CD4: variants seen among roughly 807,000 people sequenced by gnomAD.
CD4 encodes the protein CD4 molecule, also known as T-cell surface glycoprotein CD4.
A neutral mutation model predicts 50.5 loss-of-function variants in CD4; 25 were observed. That is an observed-to-expected ratio of 0.49 (90% CI 0.36 to 0.69). The LOEUF (loss-of-function observed/expected upper bound fraction) is 0.69, where lower values mean the gene tolerates loss of function less well. Among genes scored for constraint, CD4 ranks in the 30% least tolerant of loss-of-function variants. CD4 has a pLI of 0.00. For synonymous variants in CD4, 207 were observed against 221.9 expected, an observed-to-expected ratio of 0.93 and a Z score of 0.60; for missense variants, 456 against 548.5, an observed-to-expected ratio of 0.83 and a Z score of 1.68.
chr12:6,818,528 T>C lies in CD4; in HGVS notation c.1264T>C (p.Cys422Arg), dbSNP rs782424835. The change falls in exon 8 of 10, where the codon TGC becomes CGC. Residue 422 changes from cysteine (C) to arginine (R), a missense_variant. By Grantham distance (180) the Cys-to-Arg change is radical. Coordinates refer to ENST00000011653, the MANE Select transcript of CD4 (RefSeq NM_000616.5). This position sits in a 1 kb window ranked among gnomAD's most constrained non-coding sequence, Gnocchi z 5.0. ...IGLGIFFCVR[C>R]RHRRRQAERM... ...GCTAGGCATCTTCTTCTGTGTCAGG[T>C]GCCGGCACCGAAGGGTGAGTAACCC... 9 of 1,612,754 alleles carry C rather than the reference T, an allele frequency of 5.6e-6. No homozygotes were observed. Among genetic ancestry groups the C allele is most frequent in the Middle Eastern group, 1.6e-4 (1 of 6,084 alleles).
rs782144509 is a variant in CD4 at position 6,818,476 on chromosome 12, C to T, written c.1212C>T (p.Gly404=). Residue 404 remains glycine (G), a synonymous_variant, in exon 8 of 10, where the codon GGC becomes GGT. Coordinates refer to ENST00000011653, the MANE Select transcript of CD4 (RefSeq NM_000616.5). This position sits in a 1 kb window ranked among gnomAD's most constrained non-coding sequence, Gnocchi z 5.0. ...VQPMALIVLG[G]VAGLLLFIGL... Reference sequence around the variant, plus strand: ...CAATGGCCCTGATTGTGCTGGGGGGCGTCGCCGGCCTCCTGCTTTTCATTG... The same window carrying T: ...CAATGGCCCTGATTGTGCTGGGGGGTGTCGCCGGCCTCCTGCTTTTCATTG... 1.4e-5 allele frequency: 23 copies of T among 1,612,750 alleles called. No homozygotes were observed. The highest frequency in any genetic ancestry group is 5.5e-5 in the South Asian group (5 of 91,086).
At chr12:6,804,654 C>T (rs1228322757) in intron 3 of CD4, among the ~76,000 whole-genome samples, 2 of 152,156 alleles carry the variant, frequency 1.3e-5, no homozygotes, top group African/African-American at 4.8e-5. Context: ...GGGAAGATTG[C>T]TTAAGCCCAG....
intron 3 of CD4, among the ~76,000 whole-genome samples, chr12:6,809,316 C>T (rs536492542): frequency 2.6e-5 from 4 of 151,984 alleles, no homozygotes; most frequent in Non-Finnish European, 4.4e-5. Flanking sequence ...GGCAACAGGG[C>T]GAAACCTCGT....
intron 9 of CD4, 106 bp downstream of exon 9, chr12:6,819,020 AGAG>A: frequency 4.1e-6 from 3 of 724,288 alleles, no homozygotes; most frequent in Non-Finnish European, 6.9e-6. Flanking sequence ...GGGAGGATGG[AGAG>A]GAGGAAGGAG....
intron 1 of CD4, chr12:6,799,249 C>T (rs142770874): frequency 2.6e-4 from 40 of 152,326 alleles, no homozygotes; most frequent in African/African-American, 9.4e-4. Flanking sequence ...TCAAGGATGA[C>T]CTGCGAATGG....
intron 1 of CD4, among the ~76,000 whole-genome samples, chr12:6,790,679 C>T (rs984372158): frequency 6.6e-6 from 1 of 152,324 alleles, no homozygotes; most frequent in African/African-American, 2.4e-5. Context: ...GCCTTTCCGC[C>T]CTCAGACCTT....
chr12:6,811,495 T>C (rs797025124), intron 3 of CD4, among the ~76,000 whole-genome samples: 146 of 138,964 alleles, frequency 1.1e-3, no homozygotes, highest in Non-Finnish European at 1.8e-3. Flanking sequence ...CTTTTTCTTT[T>C]TTTTTTTTTT....
intron 3 of CD4, among the ~76,000 whole-genome samples, chr12:6,811,874 A>G (rs760327304): frequency 6.5e-4 from 99 of 151,902 alleles, no homozygotes; most frequent in Admixed American, 1.6e-3. Flanking sequence ...CAGTGTTACA[A>G]TCATAGCTCA....
At chr12:6,817,505 A>G (rs3213426) in intron 7 of CD4, among the ~76,000 whole-genome samples, 175 bp downstream of exon 7, 11,382 of 151,970 alleles carry the variant, frequency 0.075, 664 homozygotes, top group South Asian at 0.16. Flanking sequence ...AGAAGTGATG[A>G]AGTGAGGTGG....
rs782712080 is a variant in CD4, at chr12:6,816,095, G to C, written c.647G>C (p.Gly216Ala). Residue 216 changes from glycine (G) to alanine (A), a missense_variant, in exon 6 of 10, where the codon GGG (glycine) becomes GCG (alanine). Transcript: ENST00000011653. This position sits in a 1 kb window ranked among gnomAD's most constrained non-coding sequence, Gnocchi z 4.9. ...TCCAGCATAGTCTATAAGAAAGAGG[G>C]GGAACAGGTGGAGTTCTCCTTCCCA... ...KASSIVYKKE[G>A]EQVEFSFPLA... 6.2e-7 allele frequency: 1 copy of C among 1,614,024 alleles called. No individual in the cohort carries two copies. The highest frequency in any genetic ancestry group is 1.7e-5 in the Admixed American group (1 of 59,998).
chr12:6,801,386 GCAGT>G (rs1555115227), intron 3 of CD4, among the ~76,000 whole-genome samples: 4 of 149,270 alleles, frequency 2.7e-5, no homozygotes, highest in African/African-American at 9.8e-5. Context: ...GTGTGGGGGT[GCAGT>G]CCTGTACTTC....
intron 3 of CD4, among the ~76,000 whole-genome samples, chr12:6,806,923 T>C (rs1457602191): frequency 2.0e-5 from 3 of 152,270 alleles, no homozygotes; most frequent in East Asian, 3.9e-4. Flanking sequence ...ATCCCAGCAC[T>C]TTGGGAGGCC....
rs1943217642 is a variant in CD4, at chr12:6,819,623, G to A, written c.*294G>A. 1 of 467,908 alleles carries A rather than the reference G, an allele frequency of 2.1e-6. No homozygotes were observed. The allele number at this position is 467,908 out of a possible 1,614,324, so 29.0% of individuals were successfully genotyped here. A position where few individuals can be genotyped will look rare whatever the true frequency, so the allele number is the denominator to read the frequency against. On this transcript the variant is annotated 3_prime_UTR_variant, in exon 10 of 10. Transcript: ENST00000011653. Reference sequence around the variant, plus strand: ...CTCCCCACTGCTCATTTGGATCCCAGGGGAGTGTTCAGGGCCAGCCCTGGC... The same window carrying A: ...CTCCCCACTGCTCATTTGGATCCCAAGGGAGTGTTCAGGGCCAGCCCTGGC...
chr12:6,815,552 C>CCTTGGGTG (rs1943063311), intron 5 of CD4, among the ~76,000 whole-genome samples: 1 of 151,920 alleles, frequency 6.6e-6, no homozygotes, highest in South Asian at 2.1e-4. Flanking sequence ...AACCATGTGA[C>CCTTGGGTG]CTTGGGTGAG....
intron 1 of CD4, among the ~76,000 whole-genome samples, chr12:6,798,035 G>T (rs937986388): frequency 6.6e-6 from 1 of 152,036 alleles, no homozygotes; most frequent in African/African-American, 2.4e-5. Flanking sequence ...CTGTCTCAGT[G>T]GGGGGAAACC....
In CD4 at chr12:6,800,276, T is replaced by C. The variant is rs2255301; in HGVS notation, c.50-31T>C. ...GGGGTAGAGGGGGACAGCGGCGACA[T>C]TGAGACCTGACTCCTTTCTTTTCCA... is the stretch of plus-strand genomic sequence containing the variant. On this transcript the variant is annotated intron_variant, in intron 2 of 9. Transcript: ENST00000011653. 0.63 allele frequency: 1,009,602 copies of C among 1,611,968 alleles called. 318,536 individuals are homozygous for C. Among genetic ancestry groups the C allele is most frequent in the East Asian group, 0.65 (29,073 of 44,814 alleles).
chr12:6,814,807 T>A lies in CD4; in HGVS notation c.422T>A (p.Leu141Gln), dbSNP rs1489734252. The A allele has an allele frequency of 6.2e-7, 1 of 1,613,558 alleles. No individual in the cohort carries two copies. Among genetic ancestry groups the A allele is most frequent in the Non-Finnish European group, 8.5e-7 (1 of 1,179,792 alleles). Residue 141 changes from leucine (L) to glutamine (Q), a missense_variant, in exon 5 of 10, where the codon CTG (leucine) becomes CAG (glutamine). By Grantham distance (113) the Leu-to-Gln change is moderately radical. Transcript: ENST00000011653. ...THLLQGQSLTLTLESPPGSSP... is the reference protein window; with the variant it reads ...THLLQGQSLTQTLESPPGSSP... ...CTGCTTCAGGGGCAGAGCCTGACCC[T>A]GACCTTGGAGAGCCCCCCTGGTAGT...
intron 3 of CD4, among the ~76,000 whole-genome samples, chr12:6,807,974 G>A (rs1178908176): frequency 6.6e-6 from 1 of 151,348 alleles, no homozygotes; most frequent in Non-Finnish European, 1.5e-5. Context: ...CAGCTACTCG[G>A]GAGGCTGAGG....
intron 3 of CD4, among the ~76,000 whole-genome samples, chr12:6,803,701 C>T (rs951266491): frequency 2.0e-5 from 3 of 151,558 alleles, no homozygotes; most frequent in Admixed American, 2.0e-4. Flanking sequence ...AGGAGAATTG[C>T]GTGAACCCAG....
Sources: gnomAD v4.1 joint callset for allele counts (sites outside exome capture counted in the v4.1 genomes callset) on GRCh38, gnomAD v4.1.1 for gene constraint, Gnocchi (gnomAD v3.1) non-coding constraint, MANE v1.5 for transcripts, NCBI Gene and HGNC (gene_info 2026-07-23, HGNC 2026-07-21) for gene names.